The following LARP1B variants were observed in gnomAD, a reference collection of about 807,000 sequenced individuals.
The protein encoded by LARP1B is La ribonucleoprotein 1B, also known as la-related protein 1B.
In LARP1B, 76 loss-of-function variants were observed where a neutral mutation model predicts 114.2. The ratio of observed to expected loss-of-function variants is 0.67; its 90% CI spans 0.55 to 0.81. The LOEUF (loss-of-function observed/expected upper bound fraction) is 0.81, where lower values mean the gene tolerates loss of function less well. LARP1B is among the 30% of genes least tolerant of loss of function. The pLI, the probability that LARP1B is intolerant of heterozygous loss-of-function variation, is 0.00. For synonymous variants in LARP1B, 345 were observed against 348.0 expected (o/e 0.99, Z 0.10); for missense variants, 1,014 against 1,075.8 (o/e 0.94, Z 0.80).
chr4:128,113,720 A>G (rs1010874155), intron 9 of LARP1B, among the ~76,000 whole-genome samples: 6 of 150,944 alleles, frequency 4.0e-5, no homozygotes, highest in Non-Finnish European at 5.9e-5. Flanking sequence ...AGTTCCAACA[A>G]TTTTTAAATG....
chr4:128,061,919 C>T (rs897966557), intron 1 of LARP1B: 2 of 985,116 alleles, frequency 2.0e-6, no homozygotes, highest in South Asian at 4.7e-5. Flanking sequence ...ACGCAGCGTG[C>T]CCCAGGCGGC....
At position 128,062,087 on chromosome 4, in the gene LARP1B, G is replaced by A. The variant is rs552362666; in HGVS notation, c.-78+686G>A. On this transcript the variant is annotated intron_variant, in intron 1 of 19. Transcript: ENST00000326639. ...CGAGGACGCCCGGGAAGAGGTGGCA[G>A]CTGGCCCTGCGGAAAAGCGGCAGCC... 6.1e-6 allele frequency: 6 copies of A among 985,406 alleles called. No individual in the cohort carries two copies. The East Asian group carries it at 6.8e-4, about 112-fold the overall frequency. The allele number at this position is 985,406 out of a possible 1,614,324, so 61.0% of individuals were successfully genotyped here. A position where few individuals can be genotyped will look rare whatever the true frequency, so the allele number is the denominator to read the frequency against.
At chr4:128,184,587 G>A (rs1437836947) in intron 15 of LARP1B, among the ~76,000 whole-genome samples, 1 of 151,760 alleles carries the variant, frequency 6.6e-6, no homozygotes, top group Non-Finnish European at 1.5e-5. Context: ...TTCTTTTTAA[G>A]ATCTTTTTGC....
At chr4:128,085,633 G>T (rs962408771) in intron 5 of LARP1B, among the ~76,000 whole-genome samples, 1 of 152,178 alleles carries the variant, frequency 6.6e-6, no homozygotes, top group Non-Finnish European at 1.5e-5. Flanking sequence ...CTCCCGAAGT[G>T]TTGGGATTAC....
chr4:128,119,206 G>T (rs561845566), intron 10 of LARP1B, among the ~76,000 whole-genome samples: 1 of 152,260 alleles, frequency 6.6e-6, no homozygotes, highest in African/African-American at 2.4e-5. Context: ...CTTGGTAAGT[G>T]AAAACGTCCT....
intron 1 of LARP1B, among the ~76,000 whole-genome samples, chr4:128,074,090 G>T (rs1381630557): frequency 6.6e-6 from 1 of 151,992 alleles, no homozygotes; most frequent in East Asian, 1.9e-4. Context: ...ACAGGCATGT[G>T]CCACTGTGCC....
chr4:128,098,765 A>ATATATATATATATATG (rs1779107536), intron 8 of LARP1B, among the ~76,000 whole-genome samples: 3 of 32,840 alleles, frequency 9.1e-5, no homozygotes, highest in Admixed American at 4.3e-4. Flanking sequence ...ATATATATAT[A>ATATATATATATATATG]TATTTTTTTT....
chr4:128,098,767 A>ATATATTTTTTT (rs1328165907), intron 8 of LARP1B, among the ~76,000 whole-genome samples: 1 of 35,034 alleles, frequency 2.9e-5, no homozygotes, highest in African/African-American at 1.3e-4. Context: ...ATATATATAT[A>ATATATTTTTTT]TTTTTTTTTT....
In LARP1B at chr4:128,160,795, T is replaced by C. The variant is rs867820404; in HGVS notation, c.1525-1399T>C. Among the ~76,000 whole-genome samples the C allele has an allele frequency of 3.3e-5, 5 of 152,184 alleles. No individual in the cohort carries two copies. In the East Asian group the frequency reaches 7.7e-4, roughly 23 times the overall value. ...GAAGAAATGTTGATAAATATACATT[T>C]TGATGTAATTAAAGGTACTTTAGTG... On this transcript the variant is annotated intron_variant, in intron 11 of 19. Coordinates refer to ENST00000326639, the MANE Select transcript of LARP1B (RefSeq NM_018078.4).
intron 8 of LARP1B, among the ~76,000 whole-genome samples, chr4:128,098,756 T>TATATATATATATAC (rs1214124616): frequency 5.7e-5 from 2 of 34,952 alleles, no homozygotes; most frequent in East Asian, 1.8e-3. Context: ...TGTATATATA[T>TATATATATATATAC]ATATATATAT....
At chr4:128,144,925 GTGA>G (rs1729663787) in intron 11 of LARP1B, among the ~76,000 whole-genome samples, 4 of 152,244 alleles carry the variant, frequency 2.6e-5, no homozygotes, top group Admixed American at 1.3e-4. Context: ...GAGAGATCTT[GTGA>G]TAACATTTGA....
rs763574470 is a variant in LARP1B at position 128,178,532 on chromosome 4, A to G, written c.1786A>G (p.Ile596Val). 1 of 1,614,094 alleles carries G rather than the reference A, an allele frequency of 6.2e-7. No homozygotes were observed. The highest frequency in any genetic ancestry group is 1.1e-5 in the South Asian group (1 of 91,082). The change falls in exon 14 of 20, where the codon ATT becomes GTT. Residue 596 changes from isoleucine to valine, a missense_variant. Physicochemically the swap from Ile to Val is conservative, Grantham distance 29. Transcript: ENST00000326639. ...LPTAVPESPR[I>V]HPTRTPKTPR... ...TACAGCAGTTCCAGAATCTCCTAGA[A>G]TTCATCCTACAAGAACACCCAAAAC...
chr4:128,182,855 T>C (rs770632403), intron 15 of LARP1B, among the ~76,000 whole-genome samples: 41 of 152,314 alleles, frequency 2.7e-4, no homozygotes, highest in Non-Finnish European at 5.0e-4. Context: ...AACAGTTTTA[T>C]TGATGATAGG....
intron 5 of LARP1B, among the ~76,000 whole-genome samples, chr4:128,088,763 G>T (rs1338627305): frequency 3.3e-5 from 5 of 152,062 alleles, no homozygotes; most frequent in Admixed American, 3.3e-4. Flanking sequence ...AAGTGTACTT[G>T]TATGTAAAAT....
At chr4:128,222,078 A>G (rs547525962) in intron 7 of LARP1B, among the ~76,000 whole-genome samples, 7 of 152,332 alleles carry the variant, frequency 4.6e-5, no homozygotes, top group African/African-American at 1.7e-4. Flanking sequence ...TAATCTACTT[A>G]AAACATTTTA....
chr4:128,098,359 A>G (rs768252310), intron 8 of LARP1B, 29 bp downstream of exon 8: 2 of 1,569,554 alleles, frequency 1.3e-6, no homozygotes, highest in Non-Finnish European at 1.7e-6. Context: ...AACAATTTGT[A>G]CTTTCTGCTC....
chr4:128,070,388 C>G (rs960675567), intron 1 of LARP1B, among the ~76,000 whole-genome samples: 5 of 152,058 alleles, frequency 3.3e-5, no homozygotes, highest in African/African-American at 9.7e-5. Context: ...TGCCCGGGCA[C>G]GGTGGCTCAT....
chr4:128,066,897 G>A (rs1002120271), intron 1 of LARP1B, among the ~76,000 whole-genome samples: 2 of 150,136 alleles, frequency 1.3e-5, no homozygotes, highest in South Asian at 4.2e-4. Flanking sequence ...TCCCAGGTTC[G>A]AGCAATTCTC....
At chr4:128,073,387 G>T (rs1165775288) in intron 1 of LARP1B, among the ~76,000 whole-genome samples, 2 of 112,898 alleles carry the variant, frequency 1.8e-5, no homozygotes, top group African/African-American at 7.0e-5. Context: ...CTGCACTCCA[G>T]CCTGGGCGAC....
Sources: allele counts gnomAD v4.1 joint callset (sites outside exome capture counted in the v4.1 genomes callset), GRCh38; gene constraint gnomAD v4.1.1; transcripts MANE v1.5; gene names NCBI Gene and HGNC (gene_info 2026-07-23, HGNC 2026-07-21).